KCNG4: variants seen among roughly 807,000 people sequenced by gnomAD.
KCNG4 encodes potassium voltage-gated channel modifier subfamily G member 4.
A neutral mutation model predicts 28.2 loss-of-function variants in KCNG4; 30 were observed. That is an observed-to-expected ratio of 1.06 (90% CI 0.80 to 1.44). KCNG4 has a LOEUF of 1.44. Ranked by LOEUF, KCNG4 falls within the 40% of genes most tolerant of loss-of-function variation. The probability of loss-of-function intolerance (pLI) is 0.00; values close to 1 mark genes in which losing one functional copy is unlikely to be tolerated. For missense variants in KCNG4, 879 were observed against 712.3 expected, an observed-to-expected ratio of 1.23 and a Z score of -2.66; for synonymous variants, 375 against 315.5, an observed-to-expected ratio of 1.19 and a Z score of -2.00.
In KCNG4 at chr16:84,219,151, A is replaced by T. The variant is rs149503794; in HGVS notation, c.*3066T>A. ...TTGCACATTCTTTTCAGTGTCATTA[A>T]TTGCAAATGTTTTGCCCCAGGAGGC... On this transcript the variant is annotated 3_prime_UTR_variant, in exon 3 of 3. Coordinates refer to ENST00000308251, the MANE Select transcript of KCNG4 (RefSeq NM_172347.3). 1,159 of 152,378 alleles carry T rather than the reference A, an allele frequency of 7.6e-3. 6 individuals carry two copies. Among genetic ancestry groups the T allele is most frequent in the Non-Finnish European group, 0.012 (823 of 68,076 alleles). 9.4% of individuals were successfully genotyped at this position (152,378 alleles called of 1,614,324 possible). A position where few individuals can be genotyped will look rare whatever the true frequency, so the allele number is the denominator to read the frequency against.
chr16:84,234,093 C>G (rs983496364), intron 2 of KCNG4, among the ~76,000 whole-genome samples: 1 of 152,152 alleles, frequency 6.6e-6, no homozygotes, highest in African/African-American at 2.4e-5. Flanking sequence ...CTGGGAAATC[C>G]GGAACTTTAA....
chr16:84,238,234 C>T (rs1484768625), intron 1 of KCNG4, among the ~76,000 whole-genome samples: 1 of 152,322 alleles, frequency 6.6e-6, no homozygotes, highest in South Asian at 2.1e-4. Context: ...GATAAGGAGG[C>T]TGACGCACGG....
rs1280254485 is a variant in KCNG4 at position 84,222,902 on chromosome 16, T to C, written c.875A>G (p.Gln292Arg). 6.2e-7 allele frequency: 1 copy of C among 1,611,480 alleles called. No individual in the cohort carries two copies. The highest frequency in any genetic ancestry group is 1.7e-5 in the Admixed American group (1 of 59,812). The stretch of plus-strand genomic sequence containing the variant: ...GATGTCGATGATGTTCAGGGGCCCC[T>C]GGAAGAACTGACACTTGTCTTGGGC... ...VQAQDKCQFF[Q>R]GPLNIIDILA... Residue 292 changes from glutamine to arginine, a missense_variant, in exon 3 of 3, where the codon CAG becomes CGG. By Grantham distance (43) the Gln-to-Arg change is conservative (BLOSUM62 1). Transcript: ENST00000308251.
rs1328628302 is a variant in KCNG4, at chr16:84,222,189, T to G, written c.*28A>C. ...TTTCAGGCAGGGTGATGGGTTGAGG[T>G]TACCATGTAGTCATGGGGGGTGCTG... is the stretch of plus-strand genomic sequence containing the variant. On this transcript the variant is annotated 3_prime_UTR_variant, in exon 3 of 3. Coordinates refer to ENST00000308251, the MANE Select transcript of KCNG4 (RefSeq NM_172347.3). 1 of 1,608,290 alleles carries G rather than the reference T, an allele frequency of 6.2e-7. No individual in the cohort carries two copies. The highest frequency in any genetic ancestry group is 2.2e-5 in the East Asian group (1 of 44,808).
At chr16:84,225,348 T>C (rs1904673027) in intron 2 of KCNG4, among the ~76,000 whole-genome samples, 1 of 152,196 alleles carries the variant, frequency 6.6e-6, no homozygotes, top group Non-Finnish European at 1.5e-5. Flanking sequence ...TGTGCTTCAG[T>C]TTCCAATGCA....
Position 84,236,827 on chromosome 16 carries a change from C to T in KCNG4, c.659G>A (p.Gly220Glu), listed in dbSNP as rs1485176464. 6.2e-7 allele frequency: 1 copy of T among 1,613,554 alleles called. No individual in the cohort carries two copies. The highest frequency in any genetic ancestry group is 8.5e-7 in the Non-Finnish European group (1 of 1,180,038). ...MVENPQSGLP[G>E]KVFACLSILF... ...GATGGAGAGGCAAGCGAAGACCTTC[C>T]CGGGCAGCCCGGACTGCGGGTTTTC... The change falls in exon 2 of 3, where the codon GGG becomes GAG. Residue 220 changes from glycine (G) to glutamate (E), a missense_variant. Coordinates refer to ENST00000308251, the MANE Select transcript of KCNG4 (RefSeq NM_172347.3).
At chr16:84,227,361 G>C (rs1372462102) in intron 2 of KCNG4, among the ~76,000 whole-genome samples, 1 of 152,206 alleles carries the variant, frequency 6.6e-6, no homozygotes, top group Middle Eastern at 3.2e-3. Context: ...TGGATCACCT[G>C]GGGTCAGGAG....
rs1271552754 is a variant in KCNG4 at position 84,232,387 on chromosome 16, G to A, written c.756+4343C>T. Among the ~76,000 whole-genome samples the A allele has an allele frequency of 2.6e-5, 4 of 152,284 alleles. No homozygotes were observed. In the East Asian group the frequency reaches 7.7e-4, roughly 29 times the overall value. On this transcript the variant is annotated intron_variant, in intron 2 of 2. Coordinates refer to ENST00000308251, the MANE Select transcript of KCNG4 (RefSeq NM_172347.3). ...AATGTCCAGAATAGGCTAATTCATG[G>A]AGATAGAAAGCAGATGGGTGATTGC...
intron 2 of KCNG4, among the ~76,000 whole-genome samples, chr16:84,230,733 C>A (rs897621323): frequency 6.6e-6 from 1 of 152,218 alleles, no homozygotes. Flanking sequence ...GCAGAGACAT[C>A]ACCAAGGGCA....
intron 2 of KCNG4, 82 bp downstream of exon 2, chr16:84,236,648 A>G: frequency 2.2e-6 from 3 of 1,360,384 alleles, no homozygotes; most frequent in South Asian, 2.9e-5. Flanking sequence ...AGATCTGAAG[A>G]CATTTTCTTG....
intron 1 of KCNG4, among the ~76,000 whole-genome samples, chr16:84,238,353 C>A (rs375002368): frequency 2.0e-5 from 3 of 152,202 alleles, no homozygotes; most frequent in Non-Finnish European, 4.4e-5. Context: ...CTATGCTTAG[C>A]GAGCATCCAA....
chr16:84,232,528 T>G (rs888207602), intron 2 of KCNG4, among the ~76,000 whole-genome samples: 9 of 152,142 alleles, frequency 5.9e-5, no homozygotes, highest in Non-Finnish European at 7.3e-5. Context: ...TGCAGAAGAT[T>G]GTGATTGTAC....
chr16:84,236,150 A>G (rs244810), intron 2 of KCNG4: 118,170 of 152,610 alleles, frequency 0.77, 45,938 homozygotes, highest in South Asian at 0.9. Context: ...CATCATTGGC[A>G]TCCTTACTGT....
intron 2 of KCNG4, among the ~76,000 whole-genome samples, chr16:84,225,660 C>T (rs12930710): frequency 0.061 from 9,236 of 152,332 alleles, 390 homozygotes; most frequent in South Asian, 0.1. Context: ...ACTGATGACC[C>T]GATAGCTCAG....
chr16:84,224,699 G>GA (rs770640298), intron 2 of KCNG4, among the ~76,000 whole-genome samples: 1 of 152,206 alleles, frequency 6.6e-6, no homozygotes, highest in African/African-American at 2.4e-5. Flanking sequence ...CTTCTGTGTG[G>GA]ACTATTGCAG....
rs1288272751 is a variant in KCNG4 at position 84,236,715 on chromosome 16, T to C, written c.756+15A>G. The C allele has an allele frequency of 6.3e-7, 1 of 1,597,066 alleles. No individual in the cohort carries two copies. The highest frequency in any genetic ancestry group is 1.3e-5 in the African/African-American group (1 of 74,710). On this transcript the variant is annotated intron_variant, in intron 2 of 2. Transcript: ENST00000308251. ...CTGCGGGATGGAGCCGTGAATGCCATCAGAGGCCGCTCACCTGGTCCTCCT... is the reference window on the plus strand; with the variant it reads ...CTGCGGGATGGAGCCGTGAATGCCACCAGAGGCCGCTCACCTGGTCCTCCT...
At chr16:84,239,051 C>G (rs936989017) in intron 1 of KCNG4, among the ~76,000 whole-genome samples, 5 of 152,152 alleles carry the variant, frequency 3.3e-5, no homozygotes, top group Non-Finnish European at 7.3e-5. Flanking sequence ...TCATTCTAGC[C>G]AAAGCCATTT....
rs1904572354 is a variant in KCNG4, at chr16:84,221,970, G to T, written c.*247C>A. ...AGACTGAGCTACTCCAGCAAGATTGGACATGCTCAGTAGATGGGCAGAGAG... is the reference window on the plus strand; with the variant it reads ...AGACTGAGCTACTCCAGCAAGATTGTACATGCTCAGTAGATGGGCAGAGAG... On this transcript the variant is annotated 3_prime_UTR_variant, in exon 3 of 3. Coordinates refer to ENST00000308251, the MANE Select transcript of KCNG4 (RefSeq NM_172347.3). The T allele has an allele frequency of 1.3e-5, 7 of 538,894 alleles. No individual in the cohort carries two copies. In the Middle Eastern group the frequency reaches 2.0e-3, roughly 155 times the overall value. The allele number at this position is 538,894 out of a possible 1,614,324, so 33.4% of individuals were successfully genotyped here. A position where few individuals can be genotyped will look rare whatever the true frequency, so the allele number is the denominator to read the frequency against.
At chr16:84,230,889 G>A (rs149169848) in intron 2 of KCNG4, among the ~76,000 whole-genome samples, 229 of 152,312 alleles carry the variant, frequency 1.5e-3, no homozygotes, top group Non-Finnish European at 2.6e-3. Context: ...TGGCGAGTTC[G>A]CCTGCTTCTC....
Sources: gnomAD v4.1 joint callset for allele counts (sites outside exome capture counted in the v4.1 genomes callset) on GRCh38, gnomAD v4.1.1 for gene constraint, MANE v1.5 for transcripts, NCBI Gene and HGNC (gene_info 2026-07-23, HGNC 2026-07-21) for gene names.